The following UQCRC2 variants were observed in gnomAD, a reference collection of about 807,000 sequenced individuals.
UQCRC2 encodes cytochrome b-c1 complex subunit 2, mitochondrial.
Under a neutral mutation model 55.6 loss-of-function variants are expected in UQCRC2, and 49 were observed. The ratio of observed to expected loss-of-function variants is 0.88; its 90% confidence interval spans 0.70 to 1.12. The LOEUF (loss-of-function observed/expected upper bound fraction) is 1.12, where lower values mean the gene tolerates loss of function less well. UQCRC2 is among the 50% of genes most tolerant of loss of function. UQCRC2 has a pLI of 0.00. For synonymous variants in UQCRC2, 193 were observed against 192.0 expected, an observed-to-expected ratio of 1.01 and a Z score of -0.04; for missense variants, 506 against 547.8, an observed-to-expected ratio of 0.92 and a Z score of 0.76.
chr16:21,953,485 G>C (rs756008290), intron 1 of UQCRC2, 29 bp downstream of exon 1: 2 of 1,610,754 alleles, frequency 1.2e-6, no homozygotes, highest in East Asian at 2.2e-5. Flanking sequence ...TTTGGGAAAG[G>C]GCTGGGGAGC....
Position 21,974,738 on chromosome 16 carries a change from A to G in UQCRC2, c.1047+762A>G, listed in dbSNP as rs1028694252. ...GTTGAAAGAGACATACTGAGCAAAA[A>G]GATCGGAGCAGATATCGGAGATAGA... On this transcript the variant is annotated intron_variant, in intron 11 of 13. Transcript: ENST00000268379. Among the ~76,000 whole-genome samples the G allele has an allele frequency of 3.9e-5, 6 of 152,240 alleles. 1 individual carries two copies. Among genetic ancestry groups the G allele is most frequent in the African/African-American group, 1.4e-4 (6 of 41,458 alleles).
intron 13 of UQCRC2, among the ~76,000 whole-genome samples, chr16:21,981,725 T>G (rs1898733722): frequency 6.6e-6 from 1 of 151,932 alleles, no homozygotes; most frequent in South Asian, 2.1e-4. Flanking sequence ...ATCATGCCAC[T>G]GTACTCCAGG....
chr16:21,956,798 C>G (rs1030757472), intron 1 of UQCRC2, among the ~76,000 whole-genome samples: 14 of 152,104 alleles, frequency 9.2e-5, no homozygotes, highest in Non-Finnish European at 1.5e-5. Context: ...TGCAGTGGCT[C>G]ACGCCTGTAA....
intron 4 of UQCRC2, chr16:21,959,319 C>CT: frequency 4.6e-6 from 1 of 216,658 alleles, no homozygotes; most frequent in South Asian, 5.6e-5. Context: ...ATGTAATATT[C>CT]TTTTTTATCA....
chr16:21,976,040 T>G lies in UQCRC2; in HGVS notation c.1048-127T>G, dbSNP rs181785102. The G allele has an allele frequency of 4.5e-5, 28 of 615,902 alleles. No individual in the cohort carries two copies. In the African/African-American group the frequency reaches 5.0e-4, roughly 11 times the overall value. 38.2% of individuals were successfully genotyped at this position (615,902 alleles called of 1,614,324 possible). ...CCCATAGTGATGACAGCATTCCGCATGGACACTGTGCTGTTTGTCTGGAAC... is the reference window on the plus strand; with the variant it reads ...CCCATAGTGATGACAGCATTCCGCAGGGACACTGTGCTGTTTGTCTGGAAC... On this transcript the variant is annotated intron_variant, in intron 11 of 13. Coordinates refer to ENST00000268379, the MANE Select transcript of UQCRC2 (RefSeq NM_003366.4).
At chr16:21,968,114 G>A (rs1256303412) in intron 7 of UQCRC2, among the ~76,000 whole-genome samples, 1 of 150,156 alleles carries the variant, frequency 6.7e-6, no homozygotes, top group Non-Finnish European at 1.5e-5. Flanking sequence ...CAATTCTCGT[G>A]CCTCAGCCAC....
At chr16:21,960,330 C>G (rs147649299) in intron 4 of UQCRC2, among the ~76,000 whole-genome samples, 1 of 152,356 alleles carries the variant, frequency 6.6e-6, no homozygotes, top group East Asian at 1.9e-4. Flanking sequence ...AGCTCATGAA[C>G]TAACCACGGC....
chr16:21,971,568 C>T lies in UQCRC2; in HGVS notation c.714C>T (p.Leu238=), dbSNP rs1898461534. The change falls in exon 9 of 14, where the codon CTC becomes CTT. Residue 238 remains leucine (L), a synonymous_variant. Transcript: ENST00000268379. ...PVLKQVAEQF[L]NMRGGLGLSG... is the part of the protein sequence containing the mutation. ...TAAAGCAAGTTGCTGAACAGTTTCTCAACATGAGGGGTGGGCTTGGTTTAT... is the reference window on the plus strand; with the variant it reads ...TAAAGCAAGTTGCTGAACAGTTTCTTAACATGAGGGGTGGGCTTGGTTTAT... 1.2e-6 allele frequency: 2 copies of T among 1,614,064 alleles called. No homozygotes were observed. Among genetic ancestry groups the T allele is most frequent in the East Asian group, 4.5e-5 (2 of 44,888 alleles).
chr16:21,960,327 G>A (rs539215305), intron 4 of UQCRC2, among the ~76,000 whole-genome samples: 94 of 152,274 alleles, frequency 6.2e-4, no homozygotes, highest in Non-Finnish European at 1.0e-3. Flanking sequence ...TAAAGCTCAT[G>A]AACTAACCAC....
chr16:21,973,858 G>A, intron 10 of UQCRC2, 38 bp from the exon 11 acceptor site: 1 of 1,586,258 alleles, frequency 6.3e-7, no homozygotes, highest in South Asian at 1.1e-5. Context: ...TGTTTTACTT[G>A]GTAGAATATC....
At chr16:21,976,372 A>G in intron 12 of UQCRC2, 129 bp downstream of exon 12, 1 of 771,384 alleles carries the variant, frequency 1.3e-6, no homozygotes, top group Non-Finnish European at 2.1e-6. Flanking sequence ...AAAGGGAAAC[A>G]TACCCATATC....
chr16:21,956,039 A>G (rs1898081308), intron 1 of UQCRC2, among the ~76,000 whole-genome samples: 1 of 152,080 alleles, frequency 6.6e-6, no homozygotes, highest in Non-Finnish European at 1.5e-5. Context: ...TTGTCAGGCT[A>G]GTCTCGAGCT....
intron 7 of UQCRC2, 119 bp downstream of exon 7, chr16:21,965,624 C>A: frequency 1.2e-6 from 1 of 810,440 alleles, no homozygotes; most frequent in Non-Finnish European, 1.8e-6. Flanking sequence ...ATTCAGCGTG[C>A]TAGCTTTTTC....
chr16:21,977,548 T>G (rs574765354), intron 12 of UQCRC2, among the ~76,000 whole-genome samples: 3 of 152,212 alleles, frequency 2.0e-5, no homozygotes, highest in Non-Finnish European at 4.4e-5. Flanking sequence ...TGGCAATTTA[T>G]AAATCCCCAC....
At chr16:21,980,840 G>T in intron 13 of UQCRC2, 140 bp downstream of exon 13, 2 of 971,292 alleles carry the variant, frequency 2.1e-6, no homozygotes, top group Non-Finnish European at 2.9e-6. Flanking sequence ...AGGCAGGAGG[G>T]CTCATTCCCA....
chr16:21,976,016 C>T, intron 11 of UQCRC2, 151 bp from the exon 12 acceptor site: 1 of 544,562 alleles, frequency 1.8e-6, no homozygotes, highest in South Asian at 2.6e-5. Flanking sequence ...AATAAGGAAC[C>T]CATAGTGATG....
At position 21,961,664 on chromosome 16, in the gene UQCRC2, A is replaced by ATATATATATATG. The variant is rs1261737606; in HGVS notation, c.333-791_333-790insATATATGTATAT. On this transcript the variant is annotated intron_variant, in intron 4 of 13. Transcript: ENST00000268379. Reference sequence around the variant, plus strand: ...TATATATATATATATATATATATATATATATTTTAGACAGTCTCGCTGTGT... The same window carrying ATATATATATATG: ...TATATATATATATATATATATATATATATATATATATGTATATTTTAGACAGTCTCGCTGTGT... 7.2e-4 allele frequency among the ~76,000 whole-genome samples: 75 copies of ATATATATATATG among 103,980 alleles called. 1 individual carries two copies. The highest frequency in any genetic ancestry group is 5.1e-3 in the Middle Eastern group (1 of 198). The allele number at this position is 103,980 out of a possible 152,430, so 68.2% of individuals were successfully genotyped here.
rs1406117864 is a variant in UQCRC2, at chr16:21,980,641, A to G, written c.1219A>G (p.Met407Val). The change falls in exon 13 of 14, where the codon ATG becomes GTG. Residue 407 changes from methionine to valine, a missense_variant. By Grantham distance (21) the Met-to-Val change is conservative. Transcript: ENST00000268379. Reference protein sequence around the residue: ...GSQALVAGSYMPPSTVLQQID... With the variant: ...GSQALVAGSYVPPSTVLQQID... The stretch of plus-strand genomic sequence containing the variant: ...CCAGGCTCTAGTTGCTGGTTCTTAC[A>G]TGCCACCATCCACAGTCCTTCAGCA... The G allele has an allele frequency of 3.1e-6, 5 of 1,614,214 alleles. No individual in the cohort carries two copies. Among genetic ancestry groups the G allele is most frequent in the Non-Finnish European group, 4.2e-6 (5 of 1,180,046 alleles).
In UQCRC2 at chr16:21,958,552, A is replaced by G. The variant is rs781720648; in HGVS notation, c.285A>G (p.Ser95=). ...TTTTCAAGACGACAAAAGGAGCTTC[A>G]TCTTTCAAGATAACCCGTGGAATTG... ...LTSSLTTKGA[S]SFKITRGIEA... The change falls in exon 4 of 14, where the codon TCA becomes TCG. Residue 95 remains serine (S), a synonymous_variant. Transcript: ENST00000268379. The G allele has an allele frequency of 4.1e-5, 66 of 1,612,498 alleles. No homozygotes were observed. The highest frequency in any genetic ancestry group is 5.3e-5 in the Non-Finnish European group (63 of 1,179,640).
Sources: gnomAD v4.1 joint callset for allele counts (sites outside exome capture counted in the v4.1 genomes callset) on GRCh38, gnomAD v4.1.1 for gene constraint, MANE v1.5 for transcripts, NCBI Gene and HGNC (gene_info 2026-07-23, HGNC 2026-07-21) for gene names.